The following FRMD1 variants were observed in gnomAD, a reference collection of about 807,000 sequenced individuals.
The protein encoded by FRMD1 is FERM domain containing 1, also known as FERM domain-containing protein 1.
FRMD1 carries 51 observed loss-of-function variants against 54.9 expected under a neutral mutation model. That is an observed-to-expected ratio of 0.93 (90% CI 0.74 to 1.17). FRMD1 has a LOEUF of 1.17. FRMD1 is among the 50% of genes most tolerant of loss of function. FRMD1 has a pLI of 0.00. For synonymous variants in FRMD1, 324 were observed against 306.4 expected (o/e 1.06, Z -0.60); for missense variants, 729 against 743.0 (o/e 0.98, Z 0.22).
intron 5 of FRMD1, 146 bp downstream of exon 5, chr6:168,064,725 A>G: frequency 7.1e-7 from 1 of 1,399,114 alleles, no homozygotes; most frequent in Non-Finnish European, 9.4e-7. Context: ...GGACAGAAGG[A>G]CAGGTGATTG....
chr6:168,064,862 T>C lies in FRMD1; in HGVS notation c.648+9A>G, dbSNP rs1321306391. 7 of 1,552,544 alleles carry C rather than the reference T, an allele frequency of 4.5e-6. No individual in the cohort carries two copies. The highest frequency in any genetic ancestry group is 6.1e-6 in the Non-Finnish European group (7 of 1,147,828). On this transcript the variant is annotated intron_variant, in intron 5 of 10. Transcript: ENST00000283309. ...AGCAGTGCTGGGAGGAGGTGGGCCC[T>C]GACCTTACCCACTGTGGGAAGTAGG... is the stretch of plus-strand genomic sequence containing the variant.
chr6:168,074,381 T>A (rs1424742538), intron 2 of FRMD1, among the ~76,000 whole-genome samples: 3 of 152,196 alleles, frequency 2.0e-5, no homozygotes, highest in African/African-American at 7.2e-5. Flanking sequence ...GGTGTGTGCA[T>A]GTTTACATGT....
intron 1 of FRMD1, among the ~76,000 whole-genome samples, chr6:168,088,075 G>A (rs796585742): frequency 1.3e-5 from 2 of 152,250 alleles, no homozygotes; most frequent in African/African-American, 4.8e-5. Flanking sequence ...AGTCTCCCCC[G>A]CAGGCCCTCA....
At chr6:168,072,200 G>A (rs911110744) in intron 2 of FRMD1, among the ~76,000 whole-genome samples, 2 of 152,190 alleles carry the variant, frequency 1.3e-5, no homozygotes, top group African/African-American at 4.8e-5. Context: ...CAACAGGAGA[G>A]ACGCCCTGCC....
chr6:168,065,385 G>A (rs1428527051), intron 4 of FRMD1: 42 of 1,092,518 alleles, frequency 3.8e-5, no homozygotes, highest in African/African-American at 6.6e-5. Context: ...GAGCCCGGGC[G>A]ACTCGAATCC....
Position 168,059,356 on chromosome 6 carries a change from G to A in FRMD1, c.1343-168C>T, listed in dbSNP as rs575523123. ...GGTGACTGCTTTTGCTCCATTCCCCGACATCTGATAAAACGGCCCCTTGCT... is the reference window on the plus strand; with the variant it reads ...GGTGACTGCTTTTGCTCCATTCCCCAACATCTGATAAAACGGCCCCTTGCT... On this transcript the variant is annotated intron_variant, in intron 9 of 10. Transcript: ENST00000283309. This position sits in a 1 kb window ranked among gnomAD's most constrained non-coding sequence, Gnocchi z 4.4. Among the ~76,000 whole-genome samples, 29 of 152,272 alleles carry A rather than the reference G, an allele frequency of 1.9e-4. No homozygotes were observed. The highest frequency in any genetic ancestry group is 1.3e-3 in the Admixed American group (20 of 15,298).
At chr6:168,057,697 CGG>C (rs1799485646) in intron 10 of FRMD1, 1 of 247,710 alleles carries the variant, frequency 4.0e-6, no homozygotes, top group Non-Finnish European at 7.8e-6. Context: ...TGGTCAAGAA[CGG>C]CCTCCTATTT....
rs1176559554 is a variant in FRMD1 at position 168,064,859 on chromosome 6, C to T, written c.648+12G>A. On this transcript the variant is annotated intron_variant, in intron 5 of 10. Coordinates refer to ENST00000283309, the MANE Select transcript of FRMD1 (RefSeq NM_024919.6). ...ACTAGCAGTGCTGGGAGGAGGTGGG[C>T]CCTGACCTTACCCACTGTGGGAAGT... 2 of 1,550,106 alleles carry T rather than the reference C, an allele frequency of 1.3e-6. No homozygotes were observed. Among genetic ancestry groups the T allele is most frequent in the South Asian group, 2.4e-5 (2 of 83,672 alleles).
At chr6:168,063,867 C>A in intron 5 of FRMD1, 111 bp from the exon 6 acceptor site, 2 of 1,286,206 alleles carry the variant, frequency 1.6e-6, no homozygotes, top group Non-Finnish European at 2.1e-6. Flanking sequence ...GTGCCAACCT[C>A]GGTGGGCAGG....
intron 9 of FRMD1, among the ~76,000 whole-genome samples, 198 bp downstream of exon 9, chr6:168,060,563 C>T (rs1166627663): frequency 1.3e-5 from 2 of 152,204 alleles, no homozygotes; most frequent in Admixed American, 6.5e-5. Context: ...GCAGGCAGCT[C>T]CTCCCTGCCA....
Position 168,078,963 on chromosome 6 carries a change from C to A in FRMD1, c.132G>T (p.Leu44=). The change falls in exon 1 of 11, where the codon CTG becomes CTT. Residue 44 remains leucine, a synonymous_variant. Coordinates refer to ENST00000283309, the MANE Select transcript of FRMD1 (RefSeq NM_024919.6). ...GTTCCGAGGCCATCGCGTCCATTCC[C>A]AGGGTCGGCTCCTGCTGACTGCATG... is the stretch of plus-strand genomic sequence containing the variant. ...RPACSQQEPT[L]GMDAMASEHR... is the part of the protein sequence containing the mutation. 1 of 1,611,628 alleles carries A rather than the reference C, an allele frequency of 6.2e-7. No individual in the cohort carries two copies. The highest frequency in any genetic ancestry group is 8.5e-7 in the Non-Finnish European group (1 of 1,179,892).
At chr6:168,068,754 T>C (rs1800160532) in intron 2 of FRMD1, among the ~76,000 whole-genome samples, 1 of 152,204 alleles carries the variant, frequency 6.6e-6, no homozygotes, top group Non-Finnish European at 1.5e-5. Context: ...GATAAGGCAG[T>C]ACTCCCTTAC....
chr6:168,071,029 G>A (rs1800283186), intron 2 of FRMD1, among the ~76,000 whole-genome samples: 2 of 152,172 alleles, frequency 1.3e-5, no homozygotes, highest in African/African-American at 4.8e-5. Context: ...TTGAACAAAA[G>A]GCCTGAACTT....
rs1367498344 is a variant in FRMD1, at chr6:168,065,034, T to C, written c.485A>G (p.Tyr162Cys). ...CACGCGCTCCTTCAAGTGGCAGTAG[T>C]ACAGGTGCCGTGCCCTGTGGTCGCT... ...VISDHRARHL[Y>C]YCHLKERVLR... The change falls in exon 5 of 11, where the codon TAC (tyrosine) becomes TGC (cysteine). Residue 162 changes from tyrosine to cysteine, a missense_variant. By Grantham distance (194) the Tyr-to-Cys change is radical. Coordinates refer to ENST00000283309, the MANE Select transcript of FRMD1 (RefSeq NM_024919.6). 6.2e-7 allele frequency: 1 copy of C among 1,608,498 alleles called. No homozygotes were observed. Among genetic ancestry groups the C allele is most frequent in the Middle Eastern group, 1.7e-4 (1 of 6,038 alleles).
intron 10 of FRMD1, chr6:168,057,593 T>C: frequency 1.9e-6 from 1 of 537,468 alleles, no homozygotes; most frequent in Non-Finnish European, 3.3e-6. Flanking sequence ...GCTTTCTGCC[T>C]TTTAACTCAG....
At chr6:168,083,750 A>G (rs1800875850), upstream of FRMD1, among the ~76,000 whole-genome samples, 1 of 152,174 alleles carries the variant, frequency 6.6e-6, no homozygotes, top group Non-Finnish European at 1.5e-5. Context: ...ACACACATCT[A>G]TCTGGGATCT....
In FRMD1 at chr6:168,063,575, C is replaced by T. The variant is rs1236009910; in HGVS notation, c.804+26G>A. 1.9e-6 allele frequency: 3 copies of T among 1,589,892 alleles called. No individual in the cohort carries two copies. The South Asian group carries it at 3.5e-5, about 18-fold the overall frequency. On this transcript the variant is annotated intron_variant, in intron 6 of 10. Transcript: ENST00000283309. Reference sequence around the variant, plus strand: ...CCCTGGCCTGGAGTCAGAGTCCAGCCCATCGCTGGCCGCCCTGGGCTCGAC... The same window carrying T: ...CCCTGGCCTGGAGTCAGAGTCCAGCTCATCGCTGGCCGCCCTGGGCTCGAC...
At chr6:168,067,596 G>A in intron 2 of FRMD1, 150 bp from the exon 3 acceptor site, 2 of 587,996 alleles carry the variant, frequency 3.4e-6, no homozygotes, top group Non-Finnish European at 6.2e-6. Flanking sequence ...GCTTTCCTTG[G>A]CTGACAACGC....
chr6:168,073,334 C>A (rs1800402713), intron 2 of FRMD1, among the ~76,000 whole-genome samples: 1 of 150,890 alleles, frequency 6.6e-6, no homozygotes, highest in Non-Finnish European at 1.5e-5. Flanking sequence ...ACACAGGAAG[C>A]CCCAGATCCA....
Sources: gnomAD v4.1 joint callset for allele counts (sites outside exome capture counted in the v4.1 genomes callset) on GRCh38, gnomAD v4.1.1 for gene constraint, Gnocchi (gnomAD v3.1) non-coding constraint, MANE v1.5 for transcripts, NCBI Gene and HGNC (gene_info 2026-07-23, HGNC 2026-07-21) for gene names.